Variants in CCR5AS observed in about 807,000 individuals in gnomAD.
CCR5AS encodes CCR5 antisense RNA.
chr3:46,383,086 A>T (rs1701829755), intron 2 of CCR5AS, among the ~76,000 whole-genome samples: 1 of 152,222 alleles, frequency 6.6e-6, no homozygotes, highest in African/African-American at 2.4e-5. Flanking sequence ...GCACTTAGAC[A>T]TAGCGGGCAA....
intron 1 of CCR5AS, among the ~76,000 whole-genome samples, chr3:46,404,556 T>G (rs1702030725): frequency 6.6e-6 from 1 of 152,036 alleles, no homozygotes; most frequent in Non-Finnish European, 1.5e-5. Flanking sequence ...CAGGCTGTTC[T>G]CAAACTCCTG....
chr3:46,372,205 G>T (rs1427734602), intron 2 of CCR5AS, among the ~76,000 whole-genome samples: 1 of 152,100 alleles, frequency 6.6e-6, no homozygotes, highest in Non-Finnish European at 1.5e-5. Flanking sequence ...CATGTTCTTT[G>T]TGGGCTAACT....
At chr3:46,376,765 G>T (rs932898723) in intron 2 of CCR5AS, among the ~76,000 whole-genome samples, 3 of 152,182 alleles carry the variant, frequency 2.0e-5, no homozygotes, top group African/African-American at 7.2e-5. Context: ...AGAGAGGACA[G>T]GTGCTACAGG....
Position 46,385,897 on chromosome 3 carries a change from C to T in CCR5AS, n.391+6928G>A, listed in dbSNP as rs867884541. 6.6e-5 allele frequency among the ~76,000 whole-genome samples: 10 copies of T among 152,058 alleles called. 1 individual carries two copies. The Middle Eastern group carries it at 0.01, about 155-fold the overall frequency. ...CAGGGACTACAGGCGCCCACCACAA[C>T]GCCTAGCTAATTTTTTGTATTTTCA... On this transcript the variant is annotated intron_variant and non_coding_transcript_variant, in intron 2 of 3. Transcript: ENST00000451485.
rs892797629 is a variant in CCR5AS at position 46,395,024 on chromosome 3, G to A, written n.164-1972C>T. Among the ~76,000 whole-genome samples the A allele has an allele frequency of 4.6e-5, 7 of 152,134 alleles. No individual in the cohort carries two copies. The South Asian group carries it at 8.3e-4, about 18-fold the overall frequency. ...AGGCAAGAATGGAGGAGAGCCCCTAGGTGGAGGTTTGGCAATGCTCTCTCC... is the reference window on the plus strand; with the variant it reads ...AGGCAAGAATGGAGGAGAGCCCCTAAGTGGAGGTTTGGCAATGCTCTCTCC... On this transcript the variant is annotated intron_variant and non_coding_transcript_variant, in intron 1 of 3. Coordinates refer to ENST00000451485, the Ensembl canonical transcript of CCR5AS.
chr3:46,374,943 G>A (rs1701732338), intron 2 of CCR5AS: 1 of 167,568 alleles, frequency 6.0e-6, no homozygotes, highest in Non-Finnish European at 1.5e-5. Context: ...TGCAGCATAT[G>A]AGGATGCAGA....
At chr3:46,397,974 A>C (rs540543217) in intron 1 of CCR5AS, among the ~76,000 whole-genome samples, 2 of 152,252 alleles carry the variant, frequency 1.3e-5, no homozygotes, top group Admixed American at 1.3e-4. Context: ...CACGGGGCAG[A>C]CAGCAAGGCT....
intron 2 of CCR5AS, among the ~76,000 whole-genome samples, chr3:46,381,259 G>T (rs987163413): frequency 6.6e-6 from 1 of 152,176 alleles, no homozygotes; most frequent in Non-Finnish European, 1.5e-5. Flanking sequence ...TTTTGCTTAT[G>T]TGGCTAAAGG....
At chr3:46,393,857 A>G (rs1381365954) in intron 1 of CCR5AS, among the ~76,000 whole-genome samples, 3 of 152,246 alleles carry the variant, frequency 2.0e-5, no homozygotes, top group African/African-American at 7.2e-5. Context: ...CTGATATCTC[A>G]GGGTTAAATC....
chr3:46,392,476 G>T (rs112368251), intron 2 of CCR5AS, among the ~76,000 whole-genome samples: 3 of 152,026 alleles, frequency 2.0e-5, no homozygotes, highest in East Asian at 1.9e-4. Context: ...GGAGAAGGGG[G>T]GAGGTGAGCA....
chr3:46,386,124 C>G (rs923698621), intron 2 of CCR5AS, among the ~76,000 whole-genome samples: 1 of 152,146 alleles, frequency 6.6e-6, no homozygotes, highest in East Asian at 1.9e-4. Flanking sequence ...CCATGTTCCC[C>G]AGGCTGGTCT....
At chr3:46,373,415 A>C in intron 2 of CCR5AS, 1 of 1,612,446 alleles carries the variant, frequency 6.2e-7, no homozygotes, top group Non-Finnish European at 8.5e-7. Context: ...GATCTCAAAA[A>C]GAAGGTCTTC....
intron 2 of CCR5AS, among the ~76,000 whole-genome samples, chr3:46,386,335 G>T (rs535119337): frequency 6.6e-6 from 1 of 152,346 alleles, no homozygotes; most frequent in Non-Finnish European, 1.5e-5. Flanking sequence ...GACACCAGGT[G>T]CAGTCAACGT....
intron 2 of CCR5AS, chr3:46,373,501 T>C: frequency 1.2e-6 from 2 of 1,613,116 alleles, no homozygotes; most frequent in Non-Finnish European, 1.7e-6. Flanking sequence ...AAGATAGTCA[T>C]CTTGGGGCTG....
chr3:46,370,146 A>G (rs894138112), intron 3 of CCR5AS, among the ~76,000 whole-genome samples: 1 of 152,176 alleles, frequency 6.6e-6, no homozygotes, highest in Non-Finnish European at 1.5e-5. Flanking sequence ...TCATAGCTTC[A>G]GATAGATTAT....
chr3:46,372,669 C>T, intron 2 of CCR5AS: 1 of 392,600 alleles, frequency 2.5e-6, no homozygotes, highest in East Asian at 4.6e-5. Flanking sequence ...TTCATGAATT[C>T]CCCCAACAGA....
intron 2 of CCR5AS, chr3:46,373,661 T>G (rs367851873): frequency 8.1e-6 from 13 of 1,614,162 alleles, no homozygotes; most frequent in Non-Finnish European, 1.0e-5. Flanking sequence ...CCTACAACAT[T>G]GTCCTTCTCC....
At chr3:46,375,682 G>A (rs778460868) in intron 2 of CCR5AS, 1 of 166,594 alleles carries the variant, frequency 6.0e-6, no homozygotes, top group Non-Finnish European at 1.5e-5. Flanking sequence ...GGCGCCTTAG[G>A]TACTTATTCC....
chr3:46,369,593 G>C (rs764727867), intron 3 of CCR5AS, among the ~76,000 whole-genome samples: 15 of 151,776 alleles, frequency 9.9e-5, no homozygotes, highest in Non-Finnish European at 1.8e-4. Context: ...CAGAGACTCC[G>C]GTGAACCAAT....
Sources: gnomAD v4.1 joint callset for allele counts (sites outside exome capture counted in the v4.1 genomes callset) on GRCh38, gnomAD v4.1.1 for gene constraint, MANE v1.5 for transcripts, NCBI Gene and HGNC (gene_info 2026-07-23, HGNC 2026-07-21) for gene names.